The following ZC3HC1 variants were observed in gnomAD, a reference collection of about 807,000 sequenced individuals.
ZC3HC1 encodes the protein zinc finger C3HC-type containing 1, also known as zinc finger C3HC-type protein 1.
A neutral mutation model predicts 61.9 loss-of-function variants in ZC3HC1; 38 were observed. The ratio of observed to expected loss-of-function variants is 0.61; its 90% CI spans 0.47 to 0.81. The LOEUF is 0.81. Ranked by LOEUF, ZC3HC1 falls within the 30% of genes least tolerant of loss-of-function variation. ZC3HC1 has a pLI of 0.00. For synonymous variants in ZC3HC1, 213 were observed against 229.9 expected (o/e 0.93, Z 0.67); for missense variants, 554 against 622.7 (o/e 0.89, Z 1.17).
chr7:130,051,316 A>G lies in ZC3HC1; in HGVS notation c.51T>C (p.Asn17=), dbSNP rs1386193074. 1.9e-6 allele frequency: 3 copies of G among 1,613,338 alleles called. No individual in the cohort carries two copies. Among genetic ancestry groups the G allele is most frequent in the African/African-American group, 1.3e-5 (1 of 74,976 alleles). The stretch of plus-strand genomic sequence containing the variant: ...CTGGGGAGCGAACTACTGCACCCCA[A>G]TTCTTTTCAACCCCTACGGCAAACG... ...GQAFAVGVEK[N]WGAVVRSPEG... is the part of the protein sequence containing the mutation. The change falls in exon 1 of 10, where the codon AAT becomes AAC. Residue 17 remains asparagine, a synonymous_variant. Transcript: ENST00000358303.
chr7:130,043,561 G>T (rs888194087), intron 2 of ZC3HC1: 2 of 184,474 alleles, frequency 1.1e-5, no homozygotes, highest in African/African-American at 2.4e-5. Context: ...AAAGGAAATG[G>T]ATCTAAATAT....
intron 4 of ZC3HC1, among the ~76,000 whole-genome samples, chr7:130,029,562 G>C (rs1246193531): frequency 6.6e-6 from 1 of 152,056 alleles, no homozygotes; most frequent in African/African-American, 2.4e-5. Context: ...GAAATATTTA[G>C]ATAAAATGGC....
Position 130,024,329 on chromosome 7 carries a change from C to A in ZC3HC1, c.954G>T (p.Val318=). 1 of 1,614,126 alleles carries A rather than the reference C, an allele frequency of 6.2e-7. No individual in the cohort carries two copies. The highest frequency in any genetic ancestry group is 2.2e-5 in the East Asian group (1 of 44,868). Residue 318 remains valine, a synonymous_variant, in exon 7 of 10, where the codon GTG becomes GTT. Coordinates refer to ENST00000358303, the MANE Select transcript of ZC3HC1 (RefSeq NM_016478.5). ...TCATCATCCTCCGAGGAGATTCAGGCACCAGAGGTAAGCGCTCTGGTCGCC... is the reference window on the plus strand; with the variant it reads ...TCATCATCCTCCGAGGAGATTCAGGAACCAGAGGTAAGCGCTCTGGTCGCC... The part of the protein sequence containing the change: ...LEGRPERLPL[V]PESPRRMMTR...
At position 130,018,444 on chromosome 7, in the gene ZC3HC1, GC is replaced by G; in HGVS notation, c.*219del. Reference sequence around the variant, plus strand: ...TCCCACACTCCTTTAACAGAACCATGCTTGCTGCCCTTACCCTGTCCACATC... The same window carrying G: ...TCCCACACTCCTTTAACAGAACCATGTTGCTGCCCTTACCCTGTCCACATC... On this transcript the variant is annotated 3_prime_UTR_variant, in exon 10 of 10. Coordinates refer to ENST00000358303, the MANE Select transcript of ZC3HC1 (RefSeq NM_016478.5). 4.0e-6 allele frequency: 2 copies of G among 494,946 alleles called. No individual in the cohort carries two copies. Among genetic ancestry groups the G allele is most frequent in the Non-Finnish European group, 7.3e-6 (2 of 275,006 alleles). The allele number at this position is 494,946 out of a possible 1,614,324, so 30.7% of individuals were successfully genotyped here. A position where few individuals can be genotyped will look rare whatever the true frequency, so the allele number is the denominator to read the frequency against.
chr7:130,028,969 C>T lies in ZC3HC1; in HGVS notation c.554G>A (p.Arg185His), dbSNP rs779107807. The change falls in exon 5 of 10, where the codon CGT becomes CAT. Residue 185 changes from arginine to histidine, a missense_variant. Coordinates refer to ENST00000358303, the MANE Select transcript of ZC3HC1 (RefSeq NM_016478.5). ...PAILVSEFLD[R>H]FQSLCHLDLQ... ...GTCCAAGTGACAAAGGCTTTGAAAACGATCTAGGAATTCACTAACAAGAAT... is the reference window on the plus strand; with the variant it reads ...GTCCAAGTGACAAAGGCTTTGAAAATGATCTAGGAATTCACTAACAAGAAT... 3.7e-6 allele frequency: 6 copies of T among 1,613,738 alleles called. No homozygotes were observed. Among genetic ancestry groups the T allele is most frequent in the Non-Finnish European group, 4.2e-6 (5 of 1,179,778 alleles).
rs1344571093 is a variant in ZC3HC1 at position 130,018,335 on chromosome 7, A to G, written c.*329T>C. 4.0e-6 allele frequency: 1 copy of G among 247,182 alleles called. No individual in the cohort carries two copies. The highest frequency in any genetic ancestry group is 7.7e-6 in the Non-Finnish European group (1 of 129,940). The allele number at this position is 247,182 out of a possible 1,614,324, so 15.3% of individuals were successfully genotyped here. The stretch of plus-strand genomic sequence containing the variant: ...TAATACACACTGTCATAGTCCTAGG[A>G]TAGAAGAGTCCTCAGAACACTGCTC... On this transcript the variant is annotated 3_prime_UTR_variant, in exon 10 of 10. Coordinates refer to ENST00000358303, the MANE Select transcript of ZC3HC1 (RefSeq NM_016478.5).
At chr7:130,048,286 A>G (rs576131092) in intron 2 of ZC3HC1, among the ~76,000 whole-genome samples, 1 of 151,312 alleles carries the variant, frequency 6.6e-6, no homozygotes, top group African/African-American at 2.4e-5. Context: ...AGTAGCTGGG[A>G]TTACAAGTGA....
chr7:130,026,324 C>T lies in ZC3HC1; in HGVS notation c.622-12G>A. On this transcript the variant is annotated splice_polypyrimidine_tract_variant and intron_variant, in intron 5 of 9. Coordinates refer to ENST00000358303, the MANE Select transcript of ZC3HC1 (RefSeq NM_016478.5). ...TCTTCTGTCAAGCACTACAAGGGAG[C>T]CAAGTAAAAAACTTCGTTTCAACCA... is the stretch of plus-strand genomic sequence containing the variant. 6.3e-7 allele frequency: 1 copy of T among 1,586,958 alleles called. No individual in the cohort carries two copies. The highest frequency in any genetic ancestry group is 8.6e-7 in the Non-Finnish European group (1 of 1,162,766).
intron 4 of ZC3HC1, among the ~76,000 whole-genome samples, chr7:130,037,559 A>G (rs778343909): frequency 2.4e-4 from 36 of 152,352 alleles, no homozygotes; most frequent in Middle Eastern, 3.4e-3. Context: ...GTAAATAACT[A>G]GTAAATCCTA....
rs1340918414 is a variant in ZC3HC1 at position 130,040,229 on chromosome 7, T to C, written c.410-682A>G. ...AAAAAAAAAGGCCGGGCACGGTGGC[T>C]CACGCCTGTAATCCCAGCACTTTGG... On this transcript the variant is annotated intron_variant, in intron 3 of 9. Transcript: ENST00000358303. Among the ~76,000 whole-genome samples the C allele has an allele frequency of 3.1e-4, 36 of 117,040 alleles. 1 individual carries two copies. In the South Asian group the frequency reaches 4.0e-3, roughly 13 times the overall value. 76.8% of individuals were successfully genotyped at this position (117,040 alleles called of 152,430 possible). A position where few individuals can be genotyped will look rare whatever the true frequency, so the allele number is the denominator to read the frequency against.
rs34752500 is a variant in ZC3HC1 at position 130,028,906 on chromosome 7, G to C, written c.617C>G (p.Thr206Ser). Residue 206 changes from threonine (T) to serine (S), a missense_variant, in exon 5 of 10, where the codon ACT becomes AGT. By Grantham distance (58) the Thr-to-Ser change is moderately conservative. Coordinates refer to ENST00000358303, the MANE Select transcript of ZC3HC1 (RefSeq NM_016478.5). The part of the protein sequence containing the change: ...LPSLRPEDLK[T>S]MCLTEDKISL... Reference sequence around the variant, plus strand: ...GCCTAGTCAGGAAAAACTCACCATAGTTTTCAAGTCCTCCGGCCTTAGGGA... The same window carrying C: ...GCCTAGTCAGGAAAAACTCACCATACTTTTCAAGTCCTCCGGCCTTAGGGA... 6.2e-6 allele frequency: 10 copies of C among 1,612,416 alleles called. No homozygotes were observed. Among genetic ancestry groups the C allele is most frequent in the African/African-American group, 1.3e-5 (1 of 74,866 alleles).
intron 3 of ZC3HC1, among the ~76,000 whole-genome samples, chr7:130,040,738 T>A (rs1375964423): frequency 1.3e-5 from 2 of 150,436 alleles, no homozygotes; most frequent in Non-Finnish European, 3.0e-5. Flanking sequence ...CCCAGGAGGT[T>A]GAGGCTGTGG....
chr7:130,042,440 T>C (rs1015038452), intron 2 of ZC3HC1, among the ~76,000 whole-genome samples: 1 of 152,024 alleles, frequency 6.6e-6, no homozygotes, highest in African/African-American at 2.4e-5. Context: ...TAAGAGATAG[T>C]CAAAGTTAAA....
At chr7:130,033,828 C>T (rs1335775238) in intron 4 of ZC3HC1, among the ~76,000 whole-genome samples, 1 of 152,136 alleles carries the variant, frequency 6.6e-6, no homozygotes, top group Non-Finnish European at 1.5e-5. Flanking sequence ...ATTTATTGTC[C>T]TTGCCCCAAG....
At chr7:130,030,988 CTT>C (rs1237278950) in intron 4 of ZC3HC1, among the ~76,000 whole-genome samples, 8 of 151,426 alleles carry the variant, frequency 5.3e-5, no homozygotes, top group East Asian at 2.0e-4. Context: ...TGTTTTAACT[CTT>C]GTTTCCATCT....
At chr7:130,033,395 A>T (rs189886877) in intron 4 of ZC3HC1, among the ~76,000 whole-genome samples, 2 of 151,030 alleles carry the variant, frequency 1.3e-5, no homozygotes, top group African/African-American at 2.4e-5. Flanking sequence ...ATCTCCTTTA[A>T]GCTGGCTATT....
chr7:130,023,215 C>A lies in ZC3HC1; in HGVS notation c.1233+296G>T. 1 of 391,500 alleles carries A rather than the reference C, an allele frequency of 2.6e-6. No individual in the cohort carries two copies. The highest frequency in any genetic ancestry group is 4.6e-6 in the Non-Finnish European group (1 of 217,030). 24.3% of individuals were successfully genotyped at this position (391,500 alleles called of 1,614,324 possible). A position where few individuals can be genotyped will look rare whatever the true frequency, so the allele number is the denominator to read the frequency against. ...AAAATGGTCTTCCATGAAAACGGTC[C>A]CTGGTGCCAAAAAGGTTGGGGACCG... On this transcript the variant is annotated intron_variant, in intron 8 of 9. Coordinates refer to ENST00000358303, the MANE Select transcript of ZC3HC1 (RefSeq NM_016478.5). This position sits in a 1 kb window ranked among gnomAD's most constrained non-coding sequence, Gnocchi z 4.2.
At chr7:130,040,863 ACTAAAATGAC>A (rs1334814884) in intron 3 of ZC3HC1, 78 bp downstream of exon 3, 1 of 1,390,678 alleles carries the variant, frequency 7.2e-7, no homozygotes, top group East Asian at 2.4e-5. Context: ...TTTTGATCAA[ACTAAAATGAC>A]CTTTTTTCCC....
At chr7:130,038,523 G>A (rs1224021454) in intron 4 of ZC3HC1, among the ~76,000 whole-genome samples, 2 of 152,108 alleles carry the variant, frequency 1.3e-5, no homozygotes, top group African/African-American at 2.4e-5. Context: ...CTTCTCTCTA[G>A]TTGGTTTTAA....
Sources: gnomAD v4.1 joint callset for allele counts (sites outside exome capture counted in the v4.1 genomes callset) on GRCh38, gnomAD v4.1.1 for gene constraint, Gnocchi (gnomAD v3.1) non-coding constraint, MANE v1.5 for transcripts, NCBI Gene and HGNC (gene_info 2026-07-23, HGNC 2026-07-21) for gene names.